The following UST variants were observed in gnomAD, a reference collection of about 807,000 sequenced individuals.
UST encodes the protein chondroitin sulfate 2-O-sulfotransferase.
Under a neutral mutation model 45.6 loss-of-function variants are expected in UST, and 21 were observed. The ratio of observed to expected loss-of-function variants is 0.46; its 90% CI spans 0.33 to 0.66. The LOEUF (loss-of-function observed/expected upper bound fraction) is 0.66. Among genes scored for constraint, UST ranks in the 30% least tolerant of loss-of-function variants. UST has a pLI of 0.02. For missense variants in UST, 463 were observed against 512.4 expected, an observed-to-expected ratio of 0.90 and a Z score of 0.93; for synonymous variants, 215 against 200.6, an observed-to-expected ratio of 1.07 and a Z score of -0.61.
intron 7 of UST, among the ~76,000 whole-genome samples, chr6:149,070,791 CAG>C (rs1449466931): frequency 6.6e-6 from 1 of 151,998 alleles, no homozygotes; most frequent in Non-Finnish European, 1.5e-5. Flanking sequence ...TAATTTTAGA[CAG>C]AGTCTCGCTC....
chr6:148,964,967 G>C (rs1780755372), intron 5 of UST, among the ~76,000 whole-genome samples: 4 of 152,132 alleles, frequency 2.6e-5, no homozygotes, highest in Admixed American at 2.6e-4. Flanking sequence ...CACTCTGGGA[G>C]GGGGAGGTGT....
chr6:148,838,927 T>C (rs575949946), intron 1 of UST, among the ~76,000 whole-genome samples: 117 of 152,326 alleles, frequency 7.7e-4, no homozygotes, highest in African/African-American at 2.6e-3. Context: ...CCTGAATTGT[T>C]CTGAATAGGT....
chr6:148,953,578 C>G (rs1408894782), intron 3 of UST, among the ~76,000 whole-genome samples: 1 of 151,914 alleles, frequency 6.6e-6, no homozygotes, highest in Non-Finnish European at 1.5e-5. Context: ...GTCAGAAGTT[C>G]GAGACCACGG....
At chr6:149,067,773 T>G (rs2115045226) in intron 7 of UST, among the ~76,000 whole-genome samples, 1 of 152,312 alleles carries the variant, frequency 6.6e-6, no homozygotes, top group Non-Finnish European at 1.5e-5. Flanking sequence ...TACTTTCCAG[T>G]CATAGAGTCG....
chr6:148,788,900 G>A (rs776980219), intron 1 of UST, among the ~76,000 whole-genome samples: 1 of 152,166 alleles, frequency 6.6e-6, no homozygotes, highest in African/African-American at 2.4e-5. Flanking sequence ...AAAATGCTGT[G>A]GTTAAGGGCT....
At chr6:148,853,447 A>G (rs1381648973) in intron 1 of UST, among the ~76,000 whole-genome samples, 1 of 152,190 alleles carries the variant, frequency 6.6e-6, no homozygotes, top group Non-Finnish European at 1.5e-5. Context: ...TTTATAATAG[A>G]ATGACTTATA....
At chr6:148,857,037 T>C (rs757214478) in intron 1 of UST, among the ~76,000 whole-genome samples, 1 of 150,868 alleles carries the variant, frequency 6.6e-6, no homozygotes, top group East Asian at 1.9e-4. Context: ...CTATTATATA[T>C]AATTTAAAGG....
At chr6:148,831,811 G>T (rs1030907140) in intron 1 of UST, among the ~76,000 whole-genome samples, 1 of 151,964 alleles carries the variant, frequency 6.6e-6, no homozygotes, top group African/African-American at 2.4e-5. Flanking sequence ...ATAAAAAAAA[G>T]AAAGTAGGTG....
At chr6:148,760,936 C>T (rs1158308858) in intron 1 of UST, among the ~76,000 whole-genome samples, 1 of 152,192 alleles carries the variant, frequency 6.6e-6, no homozygotes, top group Non-Finnish European at 1.5e-5. Flanking sequence ...CACATCTTAG[C>T]CCCCTTCCTC....
chr6:148,858,901 A>T (rs184911991), intron 1 of UST, among the ~76,000 whole-genome samples: 2,001 of 152,164 alleles, frequency 0.013, 28 homozygotes, highest in Admixed American at 0.024. Flanking sequence ...CCTATCATTG[A>T]TGGACATTTG....
chr6:148,863,501 C>T (rs1265432544), intron 1 of UST, among the ~76,000 whole-genome samples: 2 of 152,244 alleles, frequency 1.3e-5, no homozygotes, highest in African/African-American at 4.8e-5. Context: ...CTTCTTCTCT[C>T]AACTCGCCAA....
At chr6:148,835,996 A>AAATGAGC (rs1777780117) in intron 1 of UST, among the ~76,000 whole-genome samples, 1 of 152,148 alleles carries the variant, frequency 6.6e-6, no homozygotes, top group Non-Finnish European at 1.5e-5. Context: ...TAACTTACTG[A>AAATGAGC]AATGAGCAGT....
At chr6:149,013,535 AAG>A (rs1775850068) in intron 5 of UST, among the ~76,000 whole-genome samples, 1 of 152,034 alleles carries the variant, frequency 6.6e-6, no homozygotes. Flanking sequence ...TCAAAAAAAA[AAG>A]AGAAAAAAAA....
chr6:149,043,065 C>T (rs1562337895), intron 7 of UST, among the ~76,000 whole-genome samples: 3 of 145,470 alleles, frequency 2.1e-5, no homozygotes, highest in African/African-American at 7.7e-5. Context: ...TTCTTTCCTT[C>T]TTTCTTTCTT....
chr6:149,055,060 G>A (rs1265214405), intron 7 of UST, among the ~76,000 whole-genome samples: 1 of 152,036 alleles, frequency 6.6e-6, no homozygotes, highest in Non-Finnish European at 1.5e-5. Context: ...TGAAAGGACG[G>A]CAGTCAGCCC....
Position 149,074,473 on chromosome 6 carries a change from A to G in UST, c.*357A>G, listed in dbSNP as rs114080135. ...AATGACTTATAAAAATATTACCTCA[A>G]TGGTAGGAGACATCCAGACTTGTAT... is the stretch of plus-strand genomic sequence containing the variant. On this transcript the variant is annotated 3_prime_UTR_variant, in exon 8 of 8. Transcript: ENST00000367463. The G allele has an allele frequency of 1.2e-3, 288 of 247,962 alleles. 2 individuals are homozygous for G. The highest frequency in any genetic ancestry group is 1.9e-3 in the Non-Finnish European group (238 of 127,232). The allele number at this position is 247,962 out of a possible 1,614,324, so 15.4% of individuals were successfully genotyped here. A position where few individuals can be genotyped will look rare whatever the true frequency, so the allele number is the denominator to read the frequency against.
At chr6:149,031,832 C>T (rs183473801) in intron 7 of UST, among the ~76,000 whole-genome samples, 24 of 152,348 alleles carry the variant, frequency 1.6e-4, no homozygotes, top group African/African-American at 5.5e-4. Flanking sequence ...AGCTGGAAGG[C>T]CGTCACTAAC....
chr6:148,911,161 G>A (rs984417482), intron 2 of UST, among the ~76,000 whole-genome samples: 5 of 152,098 alleles, frequency 3.3e-5, no homozygotes, highest in African/African-American at 1.2e-4. Flanking sequence ...AAAAGTTCCA[G>A]AAATGTTCTT....
At chr6:148,864,369 T>A (rs1297274076) in intron 1 of UST, among the ~76,000 whole-genome samples, 1 of 152,180 alleles carries the variant, frequency 6.6e-6, no homozygotes, top group East Asian at 1.9e-4. Flanking sequence ...AGTATTAGGG[T>A]GGGAGTGACC....
Sources: allele counts gnomAD v4.1 joint callset (sites outside exome capture counted in the v4.1 genomes callset), GRCh38; gene constraint gnomAD v4.1.1; transcripts MANE v1.5; gene names NCBI Gene and HGNC (gene_info 2026-07-23, HGNC 2026-07-21).